ZNF804B: variants seen among roughly 807,000 people sequenced by gnomAD.
ZNF804B encodes zinc finger protein 804B.
In ZNF804B, 80 loss-of-function variants were observed where a neutral mutation model predicts 101.4. The observed-to-expected ratio is 0.79, with a 90% CI of 0.66 to 0.95. The LOEUF (loss-of-function observed/expected upper bound fraction) is 0.95. Among genes scored for constraint, ZNF804B ranks in the 40% least tolerant of loss-of-function variants. The pLI, the probability that ZNF804B is intolerant of heterozygous loss-of-function variation, is 0.00. For synonymous variants in ZNF804B, 622 were observed against 558.8 expected (o/e 1.11, Z -1.59); for missense variants, 1,673 against 1,561.9 (o/e 1.07, Z -1.20).
At chr7:88,920,211 G>A (rs943373779) in intron 1 of ZNF804B, among the ~76,000 whole-genome samples, 32 of 152,040 alleles carry the variant, frequency 2.1e-4, no homozygotes, top group African/African-American at 7.5e-4. Context: ...ATAATTTAGA[G>A]ATTATCATCT....
At chr7:89,253,946 C>T (rs1789582626) in intron 2 of ZNF804B, among the ~76,000 whole-genome samples, 1 of 151,980 alleles carries the variant, frequency 6.6e-6, no homozygotes, top group East Asian at 1.9e-4. Flanking sequence ...ATTCAATATC[C>T]ATTCAGAATG....
In ZNF804B at chr7:88,833,042, T is replaced by C. The variant is rs908438577; in HGVS notation, c.108+72958T>C. On this transcript the variant is annotated intron_variant, in intron 1 of 3. Transcript: ENST00000333190. ...TCGTCTTCATGCTAAAATCTGATTG[T>C]TTTTATTGAATGCTTTTATTTTTTA... Among the ~76,000 whole-genome samples the C allele has an allele frequency of 8.6e-5, 13 of 151,936 alleles. 1 individual carries two copies. The highest frequency in any genetic ancestry group is 1.6e-4 in the Non-Finnish European group (11 of 67,926).
At chr7:89,152,140 C>T (rs1012919169) in intron 1 of ZNF804B, among the ~76,000 whole-genome samples, 3 of 152,004 alleles carry the variant, frequency 2.0e-5, no homozygotes, top group Admixed American at 2.0e-4. Flanking sequence ...TTTGGCTTAC[C>T]ATCTTTTGCT....
At chr7:89,098,731 CATCTT>C (rs1034510125) in intron 1 of ZNF804B, among the ~76,000 whole-genome samples, 2 of 152,120 alleles carry the variant, frequency 1.3e-5, no homozygotes, top group African/African-American at 4.8e-5. Context: ...ACATTTGCCT[CATCTT>C]ATCTAAAACT....
intron 2 of ZNF804B, among the ~76,000 whole-genome samples, chr7:89,274,133 T>C (rs1259765786): frequency 7.1e-6 from 1 of 141,118 alleles, no homozygotes; most frequent in Non-Finnish European, 1.6e-5. Flanking sequence ...TTCTTTTTTT[T>C]TTCTTTTTAT....
chr7:89,248,665 A>G (rs1269968449), intron 2 of ZNF804B, among the ~76,000 whole-genome samples: 1 of 152,104 alleles, frequency 6.6e-6, no homozygotes, highest in Non-Finnish European at 1.5e-5. Context: ...CAAAAGTACA[A>G]TACCTGCTAC....
At chr7:88,970,985 AAAAG>A (rs1793528807) in intron 1 of ZNF804B, among the ~76,000 whole-genome samples, 1 of 140,454 alleles carries the variant, frequency 7.1e-6, no homozygotes, top group Admixed American at 7.1e-5. Context: ...AAAATTTAAA[AAAAG>A]AACAAAAAAA....
chr7:89,267,345 C>T (rs1446238234), intron 2 of ZNF804B, among the ~76,000 whole-genome samples: 2 of 152,082 alleles, frequency 1.3e-5, no homozygotes, highest in Non-Finnish European at 2.9e-5. Flanking sequence ...CCTATGTTAT[C>T]AGGATTCTGG....
At chr7:88,787,683 C>G (rs897494070) in intron 1 of ZNF804B, among the ~76,000 whole-genome samples, 4 of 152,114 alleles carry the variant, frequency 2.6e-5, no homozygotes, top group African/African-American at 9.7e-5. Flanking sequence ...TGTTATCACT[C>G]TCATTGTGCA....
intron 2 of ZNF804B, among the ~76,000 whole-genome samples, chr7:89,302,089 CACAA>C (rs201328795): frequency 2.0e-5 from 3 of 151,440 alleles, no homozygotes; most frequent in Non-Finnish European, 4.4e-5. Flanking sequence ...TATACATAAG[CACAA>C]ACAATGTCTT....
intron 1 of ZNF804B, among the ~76,000 whole-genome samples, chr7:89,161,285 C>T (rs1404360234): frequency 1.3e-5 from 2 of 151,826 alleles, no homozygotes; most frequent in East Asian, 4.0e-4. Flanking sequence ...TCTTTACACT[C>T]TTCTTGAACT....
At position 89,338,077 on chromosome 7, in the gene ZNF804B, C is replaced by G. The variant is rs1791131035; in HGVS notation, c.*1045C>G. On this transcript the variant is annotated 3_prime_UTR_variant, in exon 4 of 4. Transcript: ENST00000333190. ...ATGTAATGTTGCAAATAATTTCAAA[C>G]ATTCATTCAAAATGGTTTTTGGCCG... Among the ~76,000 whole-genome samples, 1 of 152,008 alleles carries G rather than the reference C, an allele frequency of 6.6e-6. No homozygotes were observed. The highest frequency in any genetic ancestry group is 2.1e-4 in the South Asian group (1 of 4,824).
Position 89,337,206 on chromosome 7 carries a change from A to G in ZNF804B, c.*174A>G. ...ATACTAAAACAAGAGCATTTTAATAATTTTTTAGCTTGCCAAAATAATAGG... is the reference window on the plus strand; with the variant it reads ...ATACTAAAACAAGAGCATTTTAATAGTTTTTTAGCTTGCCAAAATAATAGG... On this transcript the variant is annotated 3_prime_UTR_variant, in exon 4 of 4. Transcript: ENST00000333190. 1 of 742,254 alleles carries G rather than the reference A, an allele frequency of 1.3e-6. No homozygotes were observed. The highest frequency in any genetic ancestry group is 2.8e-5 in the East Asian group (1 of 35,658). 46.0% of individuals were successfully genotyped at this position (742,254 alleles called of 1,614,324 possible). A position where few individuals can be genotyped will look rare whatever the true frequency, so the allele number is the denominator to read the frequency against.
At chr7:89,075,115 C>T (rs578198304) in intron 1 of ZNF804B, among the ~76,000 whole-genome samples, 4 of 152,302 alleles carry the variant, frequency 2.6e-5, no homozygotes, top group African/African-American at 9.6e-5. Context: ...AGAAAATTTG[C>T]AGCCTGACAA....
At chr7:89,103,048 GTTTTTTTTTTTTTTTTTTT>G (rs56693128) in intron 1 of ZNF804B, among the ~76,000 whole-genome samples, 6 of 33,750 alleles carry the variant, frequency 1.8e-4, no homozygotes, top group South Asian at 1.9e-3. Context: ...CTATGTGTCT[GTTTTTTTTTTTTTTTTTTT>G]TTTTTTTTTT....
chr7:88,802,561 G>A (rs1276136523), intron 1 of ZNF804B, among the ~76,000 whole-genome samples: 4 of 152,108 alleles, frequency 2.6e-5, no homozygotes, highest in African/African-American at 7.2e-5. Context: ...ACTTTGTTAA[G>A]TGGATTGGGA....
chr7:88,993,739 G>C (rs1349972218), intron 1 of ZNF804B, among the ~76,000 whole-genome samples: 5 of 151,894 alleles, frequency 3.3e-5, no homozygotes, highest in Non-Finnish European at 7.4e-5. Flanking sequence ...TCTCACTAGA[G>C]GATTTTGAGA....
chr7:89,028,378 A>G (rs1453072662), intron 1 of ZNF804B, among the ~76,000 whole-genome samples: 3 of 152,154 alleles, frequency 2.0e-5, no homozygotes, highest in Non-Finnish European at 4.4e-5. Context: ...TTGAGGAGAA[A>G]GCTCTAGAAA....
Position 89,060,193 on chromosome 7 carries a change from A to C in ZNF804B, c.109-157962A>C, listed in dbSNP as rs888677182. Among the ~76,000 whole-genome samples the C allele has an allele frequency of 4.6e-5, 7 of 152,082 alleles. 1 individual carries two copies. Among genetic ancestry groups the C allele is most frequent in the Admixed American group, 3.3e-4 (5 of 15,254 alleles). On this transcript the variant is annotated intron_variant, in intron 1 of 3. Coordinates refer to ENST00000333190, the MANE Select transcript of ZNF804B (RefSeq NM_181646.5). ...ACTTCTCAGCCACCATAATTGCATAAGTCAATTCTGCTAATAAGTCCACTA... is the reference window on the plus strand; with the variant it reads ...ACTTCTCAGCCACCATAATTGCATACGTCAATTCTGCTAATAAGTCCACTA...
Sources: allele counts gnomAD v4.1 joint callset (sites outside exome capture counted in the v4.1 genomes callset), GRCh38; gene constraint gnomAD v4.1.1; transcripts MANE v1.5; gene names NCBI Gene and HGNC (gene_info 2026-07-23, HGNC 2026-07-21).